Variants in ACOX3 observed in about 807,000 individuals in gnomAD.
ACOX3 encodes peroxisomal acyl-coenzyme A oxidase 3.
ACOX3 carries 73 observed loss-of-function variants against 81.5 expected under a neutral mutation model. The ratio of observed to expected loss-of-function variants is 0.90; its 90% CI spans 0.74 to 1.09. ACOX3 has a LOEUF of 1.09. Ranked by LOEUF, ACOX3 falls within the 50% of genes least tolerant of loss-of-function variation. ACOX3 has a pLI of 0.00. For synonymous variants in ACOX3, 387 were observed against 375.1 expected, an observed-to-expected ratio of 1.03 and a Z score of -0.37; for missense variants, 947 against 928.0, an observed-to-expected ratio of 1.02 and a Z score of -0.27.
chr4:8,409,797 G>A (rs1307974200), intron 6 of ACOX3, among the ~76,000 whole-genome samples: 1 of 150,404 alleles, frequency 6.6e-6, no homozygotes. Flanking sequence ...TGTACTGTGG[G>A]TGGAGCTGTC....
chr4:8,356,152 C>T, the ACOX3 span: 2 of 246,004 alleles, frequency 8.1e-6, no homozygotes, highest in Non-Finnish European at 1.6e-5. Flanking sequence ...TGCATTAACC[C>T]GTTTTAACGC....
rs191614856 is a variant in ACOX3 at position 8,413,343 on chromosome 4, G to C, written c.543+949C>G. Among the ~76,000 whole-genome samples the C allele has an allele frequency of 1.9e-3, 189 of 101,452 alleles. 5 individuals are homozygous for C. The East Asian group carries it at 0.042, about 23-fold the overall frequency. The allele number at this position is 101,452 out of a possible 152,430, so 66.6% of individuals were successfully genotyped here. Reference sequence around the variant, plus strand: ...CCCCTCCACAGCACCGACAGCCCCAGGGCATCCATCTGTGGCCCATCTCCC... The same window carrying C: ...CCCCTCCACAGCACCGACAGCCCCACGGCATCCATCTGTGGCCCATCTCCC... On this transcript the variant is annotated intron_variant, in intron 5 of 17. Coordinates refer to ENST00000356406, the MANE Select transcript of ACOX3 (RefSeq NM_003501.3).
In ACOX3 at chr4:8,423,292, G is replaced by A. The variant is rs918569306; in HGVS notation, c.-14-6757C>T. The stretch of plus-strand genomic sequence containing the variant: ...GGAGATACATTCTAGCAAAAGCAGG[G>A]GCCATTATACACCTGAACATGGGAG... On this transcript the variant is annotated intron_variant, in intron 1 of 17. Coordinates refer to ENST00000356406, the MANE Select transcript of ACOX3 (RefSeq NM_003501.3). The surrounding 1 kb of genome is among the most constrained non-coding windows in gnomAD (Gnocchi z 4.2). Among the ~76,000 whole-genome samples the A allele has an allele frequency of 2.6e-5, 4 of 152,214 alleles. No individual in the cohort carries two copies. The highest frequency in any genetic ancestry group is 9.6e-5 in the African/African-American group (4 of 41,536).
Position 8,382,098 on chromosome 4 carries a change from C to G in ACOX3, c.1538-491G>C, listed in dbSNP as rs59472087. On this transcript the variant is annotated intron_variant, in intron 13 of 17. Transcript: ENST00000356406. The surrounding 1 kb of genome is among the most constrained non-coding windows in gnomAD (Gnocchi z 4.1). ...CCTGGCCCTTGGACCTCACCGCATG[C>G]TGGAGCTGTGGAACTGGGGACTGAC... 6.9e-3 allele frequency among the ~76,000 whole-genome samples: 1,058 copies of G among 152,296 alleles called. 13 individuals carry two copies. Among genetic ancestry groups the G allele is most frequent in the African/African-American group, 0.024 (1,010 of 41,568 alleles).
At chr4:8,380,351 G>T (rs1717483069) in intron 14 of ACOX3, among the ~76,000 whole-genome samples, 3 of 152,000 alleles carry the variant, frequency 2.0e-5, no homozygotes, top group Admixed American at 2.0e-4. Flanking sequence ...CACCATGCCT[G>T]GCCAATTTTT....
intron 14 of ACOX3, among the ~76,000 whole-genome samples, chr4:8,375,673 C>T (rs1397524750): frequency 1.3e-5 from 2 of 152,264 alleles, no homozygotes; most frequent in African/African-American, 4.8e-5. Context: ...TCCCTCTCCC[C>T]CTGCCGTAAG....
intron 5 of ACOX3, among the ~76,000 whole-genome samples, chr4:8,412,711 C>T (rs1197004810): frequency 6.6e-6 from 1 of 152,086 alleles, no homozygotes; most frequent in East Asian, 1.9e-4. Context: ...GAGACCTAGG[C>T]CTCAGGGACA....
chr4:8,364,318 C>T (rs1486971577), downstream of ACOX3, among the ~76,000 whole-genome samples: 2 of 152,240 alleles, frequency 1.3e-5, no homozygotes, highest in African/African-American at 2.4e-5. The surrounding 1 kb of genome is among the most constrained non-coding windows in gnomAD (Gnocchi z 5.0). Flanking sequence ...TCACATTTGG[C>T]TCAGAATAAA....
At chr4:8,361,746 A>G (rs369846883), downstream of ACOX3, among the ~76,000 whole-genome samples, 1 of 152,202 alleles carries the variant, frequency 6.6e-6, no homozygotes, top group Non-Finnish European at 1.5e-5. Flanking sequence ...ACATTTGTCT[A>G]TAAGATTTCA....
intron 9 of ACOX3, among the ~76,000 whole-genome samples, chr4:8,395,161 C>T (rs1269265181): frequency 1.3e-5 from 2 of 150,248 alleles, no homozygotes; most frequent in East Asian, 3.9e-4. Context: ...AGCTGAGGCC[C>T]ACACAGAGCT....
At chr4:8,429,051 C>T (rs971534707) in intron 1 of ACOX3, among the ~76,000 whole-genome samples, 3 of 152,162 alleles carry the variant, frequency 2.0e-5, no homozygotes, top group Non-Finnish European at 2.9e-5. Context: ...TCACACTTTC[C>T]ACTTCCTCAC....
rs1189136149 is a variant in ACOX3 at position 8,419,568 on chromosome 4, A to C, written c.-14-3033T>G. Among the ~76,000 whole-genome samples the C allele has an allele frequency of 6.6e-6, 1 of 152,210 alleles. No individual in the cohort carries two copies. The highest frequency in any genetic ancestry group is 1.5e-5 in the Non-Finnish European group (1 of 68,032). On this transcript the variant is annotated intron_variant, in intron 1 of 17. Transcript: ENST00000356406. This position sits in a 1 kb window ranked among gnomAD's most constrained non-coding sequence, Gnocchi z 4.2. The stretch of plus-strand genomic sequence containing the variant: ...CAGCCATTCTGGAGAACAGTGTGGC[A>C]GTTCCACAAGTGATTAAACATGGAG...
Position 8,382,143 on chromosome 4 carries a change from C to T in ACOX3, c.1538-536G>A, listed in dbSNP as rs1382858721. On this transcript the variant is annotated intron_variant, in intron 13 of 17. Transcript: ENST00000356406. This position sits in a 1 kb window ranked among gnomAD's most constrained non-coding sequence, Gnocchi z 4.1. Reference sequence around the variant, plus strand: ...ACTGACATGGTGGGGGAGGGGGGAACCTAAGGCCTCACCCCCTGCGTGGCC... The same window carrying T: ...ACTGACATGGTGGGGGAGGGGGGAATCTAAGGCCTCACCCCCTGCGTGGCC... Among the ~76,000 whole-genome samples the T allele has an allele frequency of 1.3e-5, 2 of 152,160 alleles. No homozygotes were observed. The highest frequency in any genetic ancestry group is 2.9e-5 in the Non-Finnish European group (2 of 68,010).
chr4:8,367,484 A>AAAAC (rs1553832266), intron 17 of ACOX3, among the ~76,000 whole-genome samples: 2 of 152,254 alleles, frequency 1.3e-5, no homozygotes, highest in African/African-American at 4.8e-5. Context: ...ACTCCGTCTC[A>AAAAC]AAACAAACAA....
intron 5 of ACOX3, among the ~76,000 whole-genome samples, chr4:8,412,783 G>A (rs1721868588): frequency 6.6e-6 from 1 of 151,972 alleles, no homozygotes. Flanking sequence ...AGAACAGGGT[G>A]GGTGAGGACC....
At chr4:8,408,721 G>A (rs1578951303) in intron 6 of ACOX3, among the ~76,000 whole-genome samples, 1 of 152,168 alleles carries the variant, frequency 6.6e-6, no homozygotes, top group Non-Finnish European at 1.5e-5. Context: ...TGGACTCTCT[G>A]CAGTGGTGAC....
rs113596957 is a variant in ACOX3, at chr4:8,386,383, G to A, written c.1537+2790C>T. Among the ~76,000 whole-genome samples, 3 of 152,024 alleles carry A rather than the reference G, an allele frequency of 2.0e-5. No individual in the cohort carries two copies. The South Asian group carries it at 6.2e-4, about 32-fold the overall frequency. Reference sequence around the variant, plus strand: ...ATATCGAGACCATCCTGCCTAACACGGTGAAACTCCGTCTCTACTAAAAAT... The same window carrying A: ...ATATCGAGACCATCCTGCCTAACACAGTGAAACTCCGTCTCTACTAAAAAT... On this transcript the variant is annotated intron_variant, in intron 13 of 17. Coordinates refer to ENST00000356406, the MANE Select transcript of ACOX3 (RefSeq NM_003501.3). This position sits in a 1 kb window ranked among gnomAD's most constrained non-coding sequence, Gnocchi z 5.2.
chr4:8,373,731 C>T lies in ACOX3; in HGVS notation c.1829-103G>A, dbSNP rs1287491940. ...CTTTCCAAATCGGCCATATAGGAGG[C>T]CTGTTTTGGGTGAACACATCAGTGT... On this transcript the variant is annotated intron_variant, in intron 15 of 17. Transcript: ENST00000356406. 36 of 1,093,552 alleles carry T rather than the reference C, an allele frequency of 3.3e-5. No homozygotes were observed. The South Asian group carries it at 4.8e-4, about 15-fold the overall frequency. The allele number at this position is 1,093,552 out of a possible 1,614,324, so 67.7% of individuals were successfully genotyped here.
chr4:8,414,330 C>G lies in ACOX3; in HGVS notation c.505G>C (p.Ala169Pro). The change falls in exon 5 of 18, where the codon GCC (alanine) becomes CCC (proline). Residue 169 changes from alanine to proline, a missense_variant. Physicochemically the swap from Ala to Pro is conservative, Grantham distance 27 (BLOSUM62 -1). Transcript: ENST00000356406. This position sits in a 1 kb window ranked among gnomAD's most constrained non-coding sequence, Gnocchi z 6.1. ...TELSHGSNTK[A>P]IRTTAHYDPA... is the part of the protein sequence containing the mutation. ...TCGTAGTGGGCAGTTGTGCGAATGG[C>G]CTTGGTATTACTGCCGTGGCTTAAT... is the stretch of plus-strand genomic sequence containing the variant. 1.2e-6 allele frequency: 2 copies of G among 1,614,102 alleles called. No individual in the cohort carries two copies. The highest frequency in any genetic ancestry group is 1.7e-6 in the Non-Finnish European group (2 of 1,180,038).
Sources: allele counts gnomAD v4.1 joint callset (sites outside exome capture counted in the v4.1 genomes callset), GRCh38; gene constraint gnomAD v4.1.1; non-coding constraint Gnocchi (gnomAD v3.1); transcripts MANE v1.5; gene names NCBI Gene and HGNC (gene_info 2026-07-23, HGNC 2026-07-21).